PCDH15: variants seen among roughly 807,000 people sequenced by gnomAD.
PCDH15 encodes the protein protocadherin-15.
In PCDH15, 129 loss-of-function variants were observed where a neutral mutation model predicts 178.5. That is an observed-to-expected ratio of 0.72 (90% confidence interval 0.63 to 0.84). The LOEUF (loss-of-function observed/expected upper bound fraction) is 0.84, where lower values mean the gene tolerates loss of function less well. Among genes scored for constraint, PCDH15 ranks in the 40% least tolerant of loss-of-function variants. The pLI, the probability that PCDH15 is intolerant of heterozygous loss-of-function variation, is 0.00. For missense variants in PCDH15, 2,230 were observed against 2,099.9 expected (o/e 1.06, Z -1.21); for synonymous variants, 800 against 732.0 (o/e 1.09, Z -1.50).
intron 1 of PCDH15, among the ~76,000 whole-genome samples, chr10:54,760,036 C>T (rs1171469213): frequency 6.6e-6 from 1 of 152,158 alleles, no homozygotes; most frequent in Non-Finnish European, 1.5e-5. Flanking sequence ...TAAACAGATA[C>T]TTGGCTCATA....
intron 23 of PCDH15, among the ~76,000 whole-genome samples, chr10:53,953,455 T>C (rs1456850043): frequency 6.6e-6 from 1 of 152,108 alleles, no homozygotes; most frequent in East Asian, 1.9e-4. Flanking sequence ...CTCTGGCCAT[T>C]ATAAAAGTAA....
At chr10:54,975,661 A>G (rs932067321) in intron 2 of PCDH15, among the ~76,000 whole-genome samples, 3 of 152,182 alleles carry the variant, frequency 2.0e-5, no homozygotes, top group African/African-American at 7.2e-5. Context: ...AATGAGGCAG[A>G]AAGAGAGAGA....
intron 1 of PCDH15, among the ~76,000 whole-genome samples, chr10:54,727,248 C>T (rs531150988): frequency 7.9e-5 from 12 of 151,352 alleles, no homozygotes; most frequent in African/African-American, 2.9e-4. Context: ...ATCATATCAA[C>T]CACATTGAGA....
intron 2 of PCDH15, among the ~76,000 whole-genome samples, chr10:55,483,033 G>C (rs940063409): frequency 6.6e-6 from 1 of 151,628 alleles, no homozygotes; most frequent in African/African-American, 2.4e-5. Context: ...ACTCAAGGTG[G>C]ATAAAAGACT....
chr10:54,317,328 GT>G lies in PCDH15; in HGVS notation c.818del (p.Asn273ThrfsTer17). On this transcript the variant is annotated frameshift_variant, in exon 8 of 38. Transcript: ENST00000644397. LOFTEE classifies it high-confidence loss of function. ...AAGTGAGTGGACGGCAATCACGAGT[GT>G]TTGGCACAAGGACACAAGGAAGAAA... Reference protein sequence around the residue: ...PMFLPCVLVPNTRDCRPLTYQ... With the variant: ...PMFLPCVLVPXTRDCRPLTYQ... The G allele has an allele frequency of 6.2e-7, 1 of 1,614,004 alleles. No individual in the cohort carries two copies. Among genetic ancestry groups the G allele is most frequent in the Non-Finnish European group, 8.5e-7 (1 of 1,179,918 alleles).
intron 2 of PCDH15, among the ~76,000 whole-genome samples, chr10:55,084,215 C>A (rs752237700): frequency 1.3e-5 from 2 of 151,452 alleles, no homozygotes; most frequent in Non-Finnish European, 3.0e-5. Context: ...CTATTGTAAA[C>A]AAAGTGGTAG....
chr10:54,168,566 A>T (rs1043595658), intron 13 of PCDH15, among the ~76,000 whole-genome samples: 12 of 151,960 alleles, frequency 7.9e-5, no homozygotes, highest in Non-Finnish European at 1.0e-4. Context: ...GCCCTCCCCC[A>T]CCTGCCCAGC....
intron 2 of PCDH15, among the ~76,000 whole-genome samples, chr10:55,367,433 T>A (rs1158292120): frequency 6.6e-6 from 1 of 151,802 alleles, no homozygotes; most frequent in Admixed American, 6.6e-5. Context: ...ATAAAAAAGT[T>A]AGTTGGACAT....
chr10:54,476,887 T>C (rs2078313358), intron 3 of PCDH15, among the ~76,000 whole-genome samples: 1 of 152,152 alleles, frequency 6.6e-6, no homozygotes, highest in South Asian at 2.1e-4. Flanking sequence ...CATCAATTTC[T>C]AAAGATATAT....
intron 2 of PCDH15, among the ~76,000 whole-genome samples, chr10:55,327,555 T>C (rs975666375): frequency 2.0e-5 from 3 of 152,068 alleles, no homozygotes; most frequent in Non-Finnish European, 2.9e-5. Flanking sequence ...TTATATTCAA[T>C]ACCAAGATCA....
intron 8 of PCDH15, among the ~76,000 whole-genome samples, chr10:54,314,171 C>T (rs1473872622): frequency 6.6e-6 from 1 of 151,090 alleles, no homozygotes; most frequent in Non-Finnish European, 1.5e-5. Context: ...ACACGCAATA[C>T]AGAGTGCCAA....
At chr10:53,867,825 A>G (rs1484272565) in intron 26 of PCDH15, among the ~76,000 whole-genome samples, 2 of 152,166 alleles carry the variant, frequency 1.3e-5, no homozygotes, top group African/African-American at 2.4e-5. Context: ...CTAATTAATT[A>G]ATGCCATAAC....
At chr10:54,688,796 G>A (rs1398299141) in intron 1 of PCDH15, among the ~76,000 whole-genome samples, 1 of 152,030 alleles carries the variant, frequency 6.6e-6, no homozygotes, top group Non-Finnish European at 1.5e-5. Context: ...TTTTCAATAA[G>A]TAAAATTCAT....
At chr10:54,164,649 GT>G (rs1167332859) in intron 13 of PCDH15, among the ~76,000 whole-genome samples, 2 of 152,000 alleles carry the variant, frequency 1.3e-5, no homozygotes, top group African/African-American at 2.4e-5. Context: ...CAACTTCTTA[GT>G]GTATGAAATA....
intron 3 of PCDH15, among the ~76,000 whole-genome samples, chr10:54,806,300 A>T (rs892347628): frequency 4.6e-5 from 7 of 152,166 alleles, no homozygotes. Context: ...CAATTTTAGT[A>T]GCTTGAAGCA....
rs996252570 is a variant in PCDH15 at position 54,894,982 on chromosome 10, G to A, written c.-29+2468C>T. On this transcript the variant is annotated intron_variant, in intron 3 of 5. Transcript: ENST00000458638. ...TCACTCTTAGAAGTTCTCTTGCAAC[G>A]TGCCTATCTATACATATTCATCACT... Among the ~76,000 whole-genome samples the A allele has an allele frequency of 1.2e-4, 19 of 152,150 alleles. 1 individual carries two copies. The South Asian group carries it at 3.1e-3, about 25-fold the overall frequency.
chr10:55,369,718 A>G (rs1392181188), intron 2 of PCDH15, among the ~76,000 whole-genome samples: 1 of 152,062 alleles, frequency 6.6e-6, no homozygotes, highest in African/African-American at 2.4e-5. Context: ...CAGGCATGTG[A>G]GATCATATTA....
chr10:54,470,437 G>C (rs1293414747), intron 3 of PCDH15, among the ~76,000 whole-genome samples: 1 of 152,102 alleles, frequency 6.6e-6, no homozygotes, highest in Admixed American at 6.5e-5. Context: ...AATCTGGAGA[G>C]GCAGAAGTTG....
chr10:55,156,069 A>G (rs1838880346), intron 2 of PCDH15, among the ~76,000 whole-genome samples: 1 of 152,118 alleles, frequency 6.6e-6, no homozygotes, highest in South Asian at 2.1e-4. Context: ...TCCCAGAAAT[A>G]AAGGGGTCTA....
Sources: allele counts gnomAD v4.1 joint callset (sites outside exome capture counted in the v4.1 genomes callset), GRCh38; gene constraint gnomAD v4.1.1; transcripts MANE v1.5; gene names NCBI Gene and HGNC (gene_info 2026-07-23, HGNC 2026-07-21).